The following SLC37A1 variants were observed in gnomAD, a reference collection of about 807,000 sequenced individuals.
The protein encoded by SLC37A1 is solute carrier family 37 member 1, also known as glucose-6-phosphate exchanger SLC37A1.
Under a neutral mutation model 75.3 loss-of-function variants are expected in SLC37A1, and 49 were observed. The ratio of observed to expected loss-of-function variants is 0.65; its 90% confidence interval spans 0.52 to 0.83. SLC37A1 has a LOEUF of 0.83. SLC37A1 is among the 40% of genes least tolerant of loss of function. SLC37A1 has a pLI of 0.00. For missense variants in SLC37A1, 566 were observed against 695.0 expected (o/e 0.81, Z 2.09); for synonymous variants, 268 against 292.1 (o/e 0.92, Z 0.84).
rs141486944 is a variant in SLC37A1 at position 42,542,412 on chromosome 21, C to T, written c.495C>T (p.Asn165=). ...FGFYVVTQVI[N]GLVQTTGWPS... Reference sequence around the variant, plus strand: ...TTTGGCCTCTCCTGCAGGTCATCAACGGGCTGGTGCAGACCACCGGCTGGC... The same window carrying T: ...TTTGGCCTCTCCTGCAGGTCATCAATGGGCTGGTGCAGACCACCGGCTGGC... Residue 165 remains asparagine, a synonymous_variant, in exon 7 of 20, where the codon AAC becomes AAT. Transcript: ENST00000352133. The T allele has an allele frequency of 6.2e-4, 1,006 of 1,613,718 alleles. 7 individuals carry two copies. In the African/African-American group the frequency reaches 0.011, roughly 18 times the overall value.
In SLC37A1 at chr21:42,545,256, A is replaced by C. The variant is rs1262231663; in HGVS notation, c.730+1654A>C. ...ACTACCAGAACCTCCTGCCCAGGGA[A>C]TCTTTCTGACACTCTTTCCCCTTGT... is the stretch of plus-strand genomic sequence containing the variant. On this transcript the variant is annotated intron_variant, in intron 8 of 19. Transcript: ENST00000352133. This position sits in a 1 kb window ranked among gnomAD's most constrained non-coding sequence, Gnocchi z 4.0. Among the ~76,000 whole-genome samples the C allele has an allele frequency of 6.6e-6, 1 of 151,336 alleles. No homozygotes were observed. Among genetic ancestry groups the C allele is most frequent in the Non-Finnish European group, 1.5e-5 (1 of 67,758 alleles).
chr21:42,570,581 C>T (rs936310085), intron 17 of SLC37A1, among the ~76,000 whole-genome samples: 1 of 152,168 alleles, frequency 6.6e-6, no homozygotes, highest in Non-Finnish European at 1.5e-5. Context: ...GGCCTTGTGC[C>T]TCAGTGGACT....
At chr21:42,578,328 C>T (rs966894117) in intron 18 of SLC37A1, among the ~76,000 whole-genome samples, 1 of 152,222 alleles carries the variant, frequency 6.6e-6, no homozygotes, top group Non-Finnish European at 1.5e-5. Context: ...GAGCCAAACA[C>T]GTGGGCATGT....
chr21:42,554,398 T>C (rs187069801), intron 10 of SLC37A1, among the ~76,000 whole-genome samples: 2 of 152,290 alleles, frequency 1.3e-5, no homozygotes, highest in African/African-American at 2.4e-5. Flanking sequence ...ATTCCAGGTG[T>C]TGGGGGCGGT....
rs755945351 is a variant in SLC37A1, at chr21:42,559,053, G to A, written c.945G>A (p.Thr315=). 77 of 1,613,022 alleles carry A rather than the reference G, an allele frequency of 4.8e-5. 1 individual carries two copies. In the Middle Eastern group the frequency reaches 1.5e-3, roughly 31 times the overall value. The change falls in exon 11 of 20, where the codon ACG becomes ACA. Residue 315 remains threonine (T), a synonymous_variant. Transcript: ENST00000352133. ...VILPGDGGSG[T]AAISFTGALK... ...TCCCCGGGGACGGTGGGAGTGGCAC[G>A]GCCGCCATCAGCTTCACAGGGGCCT...
rs1278374113 is a variant in SLC37A1 at position 42,518,283 on chromosome 21, G to T, written c.-172G>T. ...CCTCTCCTCCTCCTTGTAGAGAGCAGAGCCACTGCCAGAAGGAAGGGGACA... is the reference window on the plus strand; with the variant it reads ...CCTCTCCTCCTCCTTGTAGAGAGCATAGCCACTGCCAGAAGGAAGGGGACA... On this transcript the variant is annotated 5_prime_UTR_variant, in exon 2 of 20. Transcript: ENST00000352133. 10 of 709,718 alleles carry T rather than the reference G, an allele frequency of 1.4e-5. No homozygotes were observed. Among genetic ancestry groups the T allele is most frequent in the Non-Finnish European group, 1.7e-5 (7 of 410,182 alleles). 44.0% of individuals were successfully genotyped at this position (709,718 alleles called of 1,614,324 possible). A position where few individuals can be genotyped will look rare whatever the true frequency, so the allele number is the denominator to read the frequency against.
chr21:42,536,417 G>A (rs1455371473), intron 5 of SLC37A1, among the ~76,000 whole-genome samples: 1 of 152,128 alleles, frequency 6.6e-6, no homozygotes, highest in Non-Finnish European at 1.5e-5. Context: ...AATATTATAT[G>A]GGTCATAGGA....
intron 1 of SLC37A1, among the ~76,000 whole-genome samples, chr21:42,501,037 A>C (rs2054336386): frequency 6.6e-6 from 1 of 152,258 alleles, no homozygotes; most frequent in Admixed American, 6.5e-5. Flanking sequence ...AGTGGACACC[A>C]GTGTGGAGAC....
At position 42,568,335 on chromosome 21, in the gene SLC37A1, C is replaced by T. The variant is rs748656236; in HGVS notation, c.1345-25C>T. Reference sequence around the variant, plus strand: ...ACTTCTCATGCTGTGGCGATAACTGCACGTCTGTTTTTCCTCTCTTCTAGG... The same window carrying T: ...ACTTCTCATGCTGTGGCGATAACTGTACGTCTGTTTTTCCTCTCTTCTAGG... On this transcript the variant is annotated intron_variant, in intron 16 of 19. Transcript: ENST00000352133. The T allele has an allele frequency of 8.1e-6, 13 of 1,597,478 alleles. No homozygotes were observed. The South Asian group carries it at 1.4e-4, about 18-fold the overall frequency.
intron 17 of SLC37A1, among the ~76,000 whole-genome samples, chr21:42,574,307 T>C (rs1203741522): frequency 6.6e-6 from 1 of 152,216 alleles, no homozygotes. Context: ...TTTCCTTACG[T>C]GTACTCAAGA....
At chr21:42,578,405 C>T (rs1463186804) in intron 18 of SLC37A1, among the ~76,000 whole-genome samples, 1 of 152,218 alleles carries the variant, frequency 6.6e-6, no homozygotes, top group Non-Finnish European at 1.5e-5. Flanking sequence ...CCACAGATAA[C>T]ACTTGCTACT....
At chr21:42,572,030 T>G (rs954970643) in intron 17 of SLC37A1, among the ~76,000 whole-genome samples, 3 of 152,212 alleles carry the variant, frequency 2.0e-5, no homozygotes, top group Non-Finnish European at 4.4e-5. Context: ...TGGTGGAAAC[T>G]GGCTCCTAGC....
intron 12 of SLC37A1, among the ~76,000 whole-genome samples, chr21:42,562,888 C>T (rs2055869853): frequency 6.6e-6 from 1 of 152,066 alleles, no homozygotes; most frequent in South Asian, 2.1e-4. Flanking sequence ...CAGAATCCGG[C>T]AATGTCTCAA....
chr21:42,567,035 A>G lies in SLC37A1; in HGVS notation c.1321A>G (p.Thr441Ala). ...ALVSGPYTLI[T>A]TAVSADLGTH... ...GGTCAGTGGGCCCTACACACTCATC[A>G]CCACCGCCGTCTCCGCCGACCTGGT... Residue 441 changes from threonine to alanine, a missense_variant, in exon 16 of 20, where the codon ACC (threonine) becomes GCC (alanine). By Grantham distance (58) the Thr-to-Ala change is moderately conservative (BLOSUM62 0). Transcript: ENST00000352133. 2 of 1,608,938 alleles carry G rather than the reference A, an allele frequency of 1.2e-6. No homozygotes were observed. Among genetic ancestry groups the G allele is most frequent in the Non-Finnish European group, 1.7e-6 (2 of 1,179,862 alleles).
intron 8 of SLC37A1, among the ~76,000 whole-genome samples, chr21:42,546,044 A>G (rs2055399955): frequency 6.6e-6 from 1 of 152,144 alleles, no homozygotes; most frequent in Admixed American, 6.5e-5. Context: ...ATGGGAATGG[A>G]CTTGGCTGTG....
intron 9 of SLC37A1, 69 bp from the exon 10 acceptor site, chr21:42,553,993 C>A: frequency 2.3e-6 from 3 of 1,319,378 alleles, no homozygotes; most frequent in Non-Finnish European, 3.1e-6. Context: ...ATCCTTGCTA[C>A]AGTAAAGCCA....
rs2146943300 is a variant in SLC37A1 at position 42,554,067 on chromosome 21, A to G, written c.774A>G (p.Ser258=). 6.2e-7 allele frequency: 1 copy of G among 1,608,172 alleles called. No individual in the cohort carries two copies. The highest frequency in any genetic ancestry group is 2.2e-5 in the East Asian group (1 of 44,790). The stretch of plus-strand genomic sequence containing the variant: ...GAAACTTTTTTTTTTACCAGCACTC[A>G]AAAGGCTATGAGAATGGTACAAACA... ...VRCSSTLVTH[S]KGYENGTNRL... Residue 258 remains serine, a synonymous_variant, in exon 10 of 20, where the codon TCA becomes TCG. Transcript: ENST00000352133.
chr21:42,558,757 G>GTACC (rs1418919612), intron 10 of SLC37A1, among the ~76,000 whole-genome samples: 2 of 152,108 alleles, frequency 1.3e-5, no homozygotes, highest in Non-Finnish European at 2.9e-5. Context: ...GAGGATCTGT[G>GTACC]TACCTAGCCG....
At chr21:42,549,857 A>G (rs1335267373) in intron 9 of SLC37A1, among the ~76,000 whole-genome samples, 1 of 152,218 alleles carries the variant, frequency 6.6e-6, no homozygotes, top group African/African-American at 2.4e-5. Flanking sequence ...AATATTTTAA[A>G]GTTCTTGTTA....
Sources: allele counts gnomAD v4.1 joint callset (sites outside exome capture counted in the v4.1 genomes callset), GRCh38; gene constraint gnomAD v4.1.1; non-coding constraint Gnocchi (gnomAD v3.1); transcripts MANE v1.5; gene names NCBI Gene and HGNC (gene_info 2026-07-23, HGNC 2026-07-21).